The following NFIL3 variants were observed in gnomAD, a reference collection of about 807,000 sequenced individuals.
The protein encoded by NFIL3 is nuclear factor interleukin-3-regulated protein.
Under a neutral mutation model 10.0 loss-of-function variants are expected in NFIL3, and 5 were observed. That is an observed-to-expected ratio of 0.50 (90% CI 0.26 to 1.06). NFIL3 has a LOEUF of 1.06. Ranked by LOEUF, NFIL3 falls within the 50% of genes least tolerant of loss-of-function variation. NFIL3 has a pLI of 0.13. For synonymous variants in NFIL3, 202 were observed against 206.5 expected (o/e 0.98, Z 0.19); for missense variants, 436 against 547.6 (o/e 0.80, Z 2.03).
the NFIL3 span, among the ~76,000 whole-genome samples, chr9:91,444,237 A>T: frequency 6.6e-6 from 1 of 151,706 alleles, no homozygotes; most frequent in South Asian, 2.1e-4. Context: ...TTTTCATTTC[A>T]TTGATCAAAT....
chr9:91,421,241 G>T (rs1413733222), intron 1 of NFIL3, among the ~76,000 whole-genome samples: 2 of 151,620 alleles, frequency 1.3e-5, no homozygotes, highest in Admixed American at 1.3e-4. Flanking sequence ...CGGGAGCCGG[G>T]GTCCCTGGCT....
chr9:91,466,374 A>G, the NFIL3 span, among the ~76,000 whole-genome samples: 7 of 152,150 alleles, frequency 4.6e-5, no homozygotes, highest in African/African-American at 7.2e-5. Context: ...AGAAATACAG[A>G]ATGGTAGTGG....
chr9:91,465,624 G>A, the NFIL3 span, among the ~76,000 whole-genome samples: 1 of 151,698 alleles, frequency 6.6e-6, no homozygotes, highest in Non-Finnish European at 1.5e-5. Flanking sequence ...CGTTTGCTTT[G>A]TCTCCTTGTA....
the NFIL3 span, among the ~76,000 whole-genome samples, chr9:91,481,074 T>G: frequency 3.3e-5 from 5 of 152,228 alleles, no homozygotes; most frequent in Admixed American, 2.6e-4. Flanking sequence ...AGAAATAACG[T>G]GTTTTTAAAA....
At chr9:91,476,342 G>A in the NFIL3 span, among the ~76,000 whole-genome samples, 3 of 152,176 alleles carry the variant, frequency 2.0e-5, no homozygotes, top group Admixed American at 6.5e-5. Context: ...GGAGGCTGAG[G>A]CAGGTGGATC....
At chr9:91,411,973 G>A (rs1280568739) in intron 1 of NFIL3, among the ~76,000 whole-genome samples, 1 of 151,618 alleles carries the variant, frequency 6.6e-6, no homozygotes, top group East Asian at 1.9e-4. Flanking sequence ...GTGGTGGTGT[G>A]TGCCTGTAAT....
At chr9:91,461,951 T>C in the NFIL3 span, among the ~76,000 whole-genome samples, 27 of 152,082 alleles carry the variant, frequency 1.8e-4, no homozygotes, top group Admixed American at 9.2e-4. Flanking sequence ...ATCACGGTCA[T>C]TGTTCTATAT....
chr9:91,474,643 T>A, the NFIL3 span, among the ~76,000 whole-genome samples: 1 of 152,162 alleles, frequency 6.6e-6, no homozygotes, highest in Non-Finnish European at 1.5e-5. Flanking sequence ...AGACTGGAAA[T>A]GGTTTTTTAT....
Position 91,420,235 on chromosome 9 carries a change from A to T in NFIL3, c.-173+3405T>A, listed in dbSNP as rs145801456. Reference sequence around the variant, plus strand: ...CATTGAACACGATGGCAAATTAAAAAATATATATATTATTAGAACAAAAAA... The same window carrying T: ...CATTGAACACGATGGCAAATTAAAATATATATATATTATTAGAACAAAAAA... On this transcript the variant is annotated intron_variant, in intron 1 of 1. Coordinates refer to ENST00000297689, the MANE Select transcript of NFIL3 (RefSeq NM_005384.3). 5.9e-3 allele frequency among the ~76,000 whole-genome samples: 897 copies of T among 152,156 alleles called. 8 individuals carry two copies. Among genetic ancestry groups the T allele is most frequent in the African/African-American group, 0.021 (855 of 41,482 alleles).
the NFIL3 span, among the ~76,000 whole-genome samples, chr9:91,432,951 G>A: frequency 6.6e-6 from 1 of 152,124 alleles, no homozygotes; most frequent in Non-Finnish European, 1.5e-5. Context: ...CTTTTTCAGT[G>A]TAAATTTAAT....
chr9:91,453,336 C>T, the NFIL3 span, among the ~76,000 whole-genome samples: 4 of 152,102 alleles, frequency 2.6e-5, no homozygotes, highest in East Asian at 7.7e-4. Flanking sequence ...GAGGTACTGG[C>T]GTTTAGGACT....
chr9:91,446,393 T>C, the NFIL3 span, among the ~76,000 whole-genome samples: 1 of 152,246 alleles, frequency 6.6e-6, no homozygotes, highest in East Asian at 1.9e-4. Flanking sequence ...GAAATGTAGT[T>C]GTATATTCAT....
At chr9:91,414,327 C>A (rs1833612062) in intron 1 of NFIL3, among the ~76,000 whole-genome samples, 1 of 152,252 alleles carries the variant, frequency 6.6e-6, no homozygotes, top group African/African-American at 2.4e-5. Context: ...CCTCAGCCTC[C>A]CAAGTAGCTG....
intron 1 of NFIL3, among the ~76,000 whole-genome samples, chr9:91,421,595 A>T (rs1833770202): frequency 1.3e-5 from 2 of 150,144 alleles, no homozygotes; most frequent in Admixed American, 6.6e-5. Context: ...ACCGGCCCGC[A>T]GGAGGGAGCG....
chr9:91,435,804 G>T, the NFIL3 span, among the ~76,000 whole-genome samples: 1 of 152,114 alleles, frequency 6.6e-6, no homozygotes, highest in Non-Finnish European at 1.5e-5. Context: ...ATCTATGCAT[G>T]CCAGGTACTA....
upstream of NFIL3, chr9:91,427,193 G>T: frequency 6.7e-6 from 1 of 149,516 alleles, no homozygotes; most frequent in African/African-American, 2.4e-5. Context: ...CTTTTTTTTG[G>T]TAAAATATCC....
chr9:91,446,888 T>A, the NFIL3 span, among the ~76,000 whole-genome samples: 1 of 151,964 alleles, frequency 6.6e-6, no homozygotes, highest in South Asian at 2.1e-4. Flanking sequence ...TGGTCTTGGC[T>A]CACAGCAACC....
the NFIL3 span, among the ~76,000 whole-genome samples, chr9:91,476,270 G>A: frequency 6.6e-6 from 1 of 152,172 alleles, no homozygotes. Context: ...AAATCTAGCT[G>A]TGTATAAAAG....
the NFIL3 span, among the ~76,000 whole-genome samples, chr9:91,448,340 C>T: frequency 2.6e-5 from 4 of 152,170 alleles, no homozygotes; most frequent in African/African-American, 9.7e-5. Flanking sequence ...ATACTGCTTC[C>T]ATCCATGACA....
Sources: gnomAD v4.1 joint callset for allele counts (sites outside exome capture counted in the v4.1 genomes callset) on GRCh38, gnomAD v4.1.1 for gene constraint, MANE v1.5 for transcripts, NCBI Gene and HGNC (gene_info 2026-07-23, HGNC 2026-07-21) for gene names.